SNED1: variants seen among roughly 807,000 people sequenced by gnomAD.
SNED1 encodes sushi, nidogen and EGF like domains 1.
In SNED1, 81 loss-of-function variants were observed where a neutral mutation model predicts 166.7. That is an observed-to-expected ratio of 0.49 (90% CI 0.41 to 0.58). The LOEUF is 0.58. Ranked by LOEUF, SNED1 falls within the 20% of genes least tolerant of loss-of-function variation. The pLI, the probability that SNED1 is intolerant of heterozygous loss-of-function variation, is 0.00. For missense variants in SNED1, 1,604 were observed against 2,000.2 expected (o/e 0.80, Z 3.78); for synonymous variants, 762 against 822.0 (o/e 0.93, Z 1.25).
chr2:241,028,595 T>G (rs1459586326), intron 1 of SNED1, among the ~76,000 whole-genome samples: 1 of 152,250 alleles, frequency 6.6e-6, no homozygotes, highest in African/African-American at 2.4e-5. Flanking sequence ...ATCGTTTGAT[T>G]ATATATCGAA....
chr2:241,089,233 G>T, intron 31 of SNED1: 1 of 1,434,818 alleles, frequency 7.0e-7, no homozygotes, highest in South Asian at 1.4e-5. Context: ...TGAATCTCTG[G>T]TTGGCCTAGG....
intron 20 of SNED1, 92 bp downstream of exon 20, chr2:241,065,049 CGCTG>C: frequency 9.7e-7 from 1 of 1,035,152 alleles, no homozygotes; most frequent in Non-Finnish European, 1.4e-6. Flanking sequence ...AGCGTCTGGC[CGCTG>C]CTTGCCCAGG....
rs1349741244 is a variant in SNED1 at position 241,095,385 on chromosome 2, C to T, written c.*3749C>T. The T allele has an allele frequency of 6.5e-6, 1 of 152,886 alleles. No homozygotes were observed. Among genetic ancestry groups the T allele is most frequent in the Non-Finnish European group, 1.5e-5 (1 of 68,218 alleles). The allele number at this position is 152,886 out of a possible 1,614,324, so 9.5% of individuals were successfully genotyped here. A position where few individuals can be genotyped will look rare whatever the true frequency, so the allele number is the denominator to read the frequency against. On this transcript the variant is annotated 3_prime_UTR_variant, in exon 32 of 32. Coordinates refer to ENST00000310397, the MANE Select transcript of SNED1 (RefSeq NM_001080437.3). ...TCACAAAGATAAAGAAAACTGCCAG[C>T]ATTTTGCTGGCCTTAAGAAGCCATG... is the stretch of plus-strand genomic sequence containing the variant.
chr2:241,032,584 T>C (rs1037239986), intron 2 of SNED1, among the ~76,000 whole-genome samples: 6 of 152,034 alleles, frequency 3.9e-5, no homozygotes, highest in African/African-American at 1.4e-4. Flanking sequence ...TGTATACATA[T>C]GTAACAAACC....
At chr2:241,062,373 G>A (rs952476187) in intron 16 of SNED1, among the ~76,000 whole-genome samples, 1 of 152,168 alleles carries the variant, frequency 6.6e-6, no homozygotes, top group Non-Finnish European at 1.5e-5. Flanking sequence ...CACAACTCCC[G>A]CTTGAAAAGA....
rs2064139906 is a variant in SNED1 at position 241,093,037 on chromosome 2, AG to A, written c.*1403del. On this transcript the variant is annotated 3_prime_UTR_variant, in exon 32 of 32. Transcript: ENST00000310397. ...TTTTTGAAGAGTTAGAGTATATTTT[AG>A]GCTTTTTATCTTTATTAAAATTTCA... The A allele has an allele frequency of 6.6e-6, 1 of 152,162 alleles. No individual in the cohort carries two copies. Among genetic ancestry groups the A allele is most frequent in the African/African-American group, 2.4e-5 (1 of 41,444 alleles). 9.4% of individuals were successfully genotyped at this position (152,162 alleles called of 1,614,324 possible).
chr2:241,011,894 C>T (rs934755204), intron 1 of SNED1, among the ~76,000 whole-genome samples: 1 of 152,224 alleles, frequency 6.6e-6, no homozygotes, highest in Non-Finnish European at 1.5e-5. Flanking sequence ...GCTGCCCTGT[C>T]CTGGCAGGGG....
intron 2 of SNED1, among the ~76,000 whole-genome samples, chr2:241,032,571 A>T (rs370067844): frequency 6.6e-6 from 1 of 151,880 alleles, no homozygotes; most frequent in African/African-American, 2.4e-5. Context: ...CCAACATGGC[A>T]CATGTATACA....
chr2:241,003,180 G>A (rs2060126676), intron 1 of SNED1, among the ~76,000 whole-genome samples: 1 of 137,700 alleles, frequency 7.3e-6, no homozygotes, highest in Non-Finnish European at 1.5e-5. Flanking sequence ...ACTGCAGCTT[G>A]TTGGTTCTGA....
chr2:241,072,493 G>A (rs2062781749), intron 26 of SNED1: 1 of 340,586 alleles, frequency 2.9e-6, no homozygotes, highest in South Asian at 2.2e-5. Context: ...CCTCTCACCT[G>A]GAAGGCCAGG....
intron 29 of SNED1, among the ~76,000 whole-genome samples, chr2:241,086,690 G>T (rs2063596255): frequency 6.6e-6 from 1 of 152,148 alleles, no homozygotes; most frequent in Non-Finnish European, 1.5e-5. Context: ...ACAGGTTTTC[G>T]ATCCTAAAGG....
In SNED1 at chr2:241,073,360, C is replaced by T. The variant is rs200193178; in HGVS notation, c.3912C>T (p.Ile1304=). ...TCCCTGAACACGGCAGCAAGGACAT[C>T]GGAAGTGAGTCAGCAGCGCTGGTGG... The part of the protein sequence containing the change: ...LQLPEHGSKD[I]GNVPGNCSEN... The change falls in exon 27 of 32, where the codon ATC becomes ATT. Residue 1304 remains isoleucine (I), a synonymous_variant. Coordinates refer to ENST00000310397, the MANE Select transcript of SNED1 (RefSeq NM_001080437.3). The surrounding 1 kb of genome is among the most constrained non-coding windows in gnomAD (Gnocchi z 6.6). The T allele has an allele frequency of 2.3e-5, 36 of 1,567,096 alleles. No individual in the cohort carries two copies. The East Asian group carries it at 5.5e-4, about 24-fold the overall frequency.
chr2:241,033,997 CCAA>C, intron 3 of SNED1, 122 bp downstream of exon 3: 3 of 1,203,498 alleles, frequency 2.5e-6, no homozygotes, highest in South Asian at 3.3e-5. Flanking sequence ...CGTGCAGAGG[CCAA>C]CGAGAGACAT....
chr2:241,060,187 CTT>C (rs34936638), intron 16 of SNED1, among the ~76,000 whole-genome samples: 7 of 144,716 alleles, frequency 4.8e-5, no homozygotes, highest in Admixed American at 2.8e-4. Context: ...AAACTATAAA[CTT>C]TTTTTTTTTT....
chr2:241,011,333 T>C (rs1475698888), intron 1 of SNED1, among the ~76,000 whole-genome samples: 1 of 152,010 alleles, frequency 6.6e-6, no homozygotes, highest in Non-Finnish European at 1.5e-5. Context: ...CATGGAGTGG[T>C]TACATTTCTA....
intron 21 of SNED1, 21 bp from the exon 22 acceptor site, chr2:241,067,743 T>G: frequency 6.3e-7 from 1 of 1,586,440 alleles, no homozygotes; most frequent in Admixed American, 1.7e-5. Context: ...CGGCACCTGC[T>G]GAACAGTCCA....
rs1440008095 is a variant in SNED1, at chr2:241,013,945, A to G, written c.213+14895A>G. 6.6e-6 allele frequency among the ~76,000 whole-genome samples: 1 copy of G among 151,778 alleles called. No homozygotes were observed. Among genetic ancestry groups the G allele is most frequent in the Non-Finnish European group, 1.5e-5 (1 of 67,984 alleles). On this transcript the variant is annotated intron_variant, in intron 1 of 31. Coordinates refer to ENST00000310397, the MANE Select transcript of SNED1 (RefSeq NM_001080437.3). The surrounding 1 kb of genome is among the most constrained non-coding windows in gnomAD (Gnocchi z 4.6). ...TACTCAGAAGTGGGATTGCTAGGCC[A>G]TATGTCAGTTCTATTTTTAATTTTT...
intron 1 of SNED1, among the ~76,000 whole-genome samples, chr2:241,008,629 C>T (rs913162314): frequency 2.6e-5 from 4 of 152,254 alleles, no homozygotes; most frequent in Non-Finnish European, 5.9e-5. Context: ...CACCTAGGTG[C>T]CTTGGCATCC....
At chr2:241,052,753 G>C (rs1278370045) in intron 15 of SNED1, among the ~76,000 whole-genome samples, 4 of 134,810 alleles carry the variant, frequency 3.0e-5, no homozygotes, top group Non-Finnish European at 6.1e-5. Context: ...AGAGGGCCGG[G>C]GGGCCAAGCA....
Sources: allele counts gnomAD v4.1 joint callset (sites outside exome capture counted in the v4.1 genomes callset), GRCh38; gene constraint gnomAD v4.1.1; non-coding constraint Gnocchi (gnomAD v3.1); transcripts MANE v1.5; gene names NCBI Gene and HGNC (gene_info 2026-07-23, HGNC 2026-07-21).